The following RAD23B variants were observed in gnomAD, a reference collection of about 807,000 sequenced individuals.
The protein encoded by RAD23B is RAD23 nucleotide excision repair protein B, also known as lysine-specific demethylase RAD23B.
RAD23B carries 5 observed loss-of-function variants against 49.1 expected under a neutral mutation model. That is an observed-to-expected ratio of 0.10 (90% CI 0.05 to 0.21). The LOEUF (loss-of-function observed/expected upper bound fraction) is 0.21, where lower values mean the gene tolerates loss of function less well. Among genes scored for constraint, RAD23B ranks in the 10% least tolerant of loss-of-function variants. RAD23B has a pLI of 1.00. For missense variants in RAD23B, 356 were observed against 486.7 expected (o/e 0.73, Z 2.53); for synonymous variants, 184 against 165.4 (o/e 1.11, Z -0.86).
intron 5 of RAD23B, among the ~76,000 whole-genome samples, chr9:107,313,751 C>T (rs942292): frequency 0.55 from 83,791 of 151,968 alleles, 23,320 homozygotes; most frequent in East Asian, 0.75. Flanking sequence ...AGGTTTCAAA[C>T]TGACTCATTT....
At chr9:107,328,924 TG>T (rs1364226285) in intron 9 of RAD23B, among the ~76,000 whole-genome samples, 10 of 152,244 alleles carry the variant, frequency 6.6e-5, no homozygotes, top group Non-Finnish European at 1.3e-4. Flanking sequence ...TTTAAAATGC[TG>T]TAACTGTTAA....
At chr9:107,306,877 G>T (rs1826789947) in intron 4 of RAD23B, among the ~76,000 whole-genome samples, 1 of 150,880 alleles carries the variant, frequency 6.6e-6, no homozygotes, top group African/African-American at 2.5e-5. Context: ...GGGCAGGGTG[G>T]GGGGCAGTGG....
At chr9:107,308,186 C>CATCAAT (rs1826817950) in intron 4 of RAD23B, among the ~76,000 whole-genome samples, 2 of 149,206 alleles carry the variant, frequency 1.3e-5, no homozygotes, top group African/African-American at 4.9e-5. Context: ...GTGCTAATGC[C>CATCAAT]ATCAATTTAA....
At chr9:107,303,065 A>T (rs1353463038) in intron 3 of RAD23B, among the ~76,000 whole-genome samples, 1 of 151,724 alleles carries the variant, frequency 6.6e-6, no homozygotes, top group Non-Finnish European at 1.5e-5. Context: ...GGATTTTTTT[A>T]AGAGACTATT....
chr9:107,292,749 A>G (rs974135722), intron 1 of RAD23B, among the ~76,000 whole-genome samples: 33 of 150,932 alleles, frequency 2.2e-4, no homozygotes, highest in African/African-American at 7.3e-4. Flanking sequence ...TACAAATACC[A>G]TCTCCCATAT....
At chr9:107,300,784 T>C (rs1230730923) in intron 2 of RAD23B, among the ~76,000 whole-genome samples, 1 of 152,198 alleles carries the variant, frequency 6.6e-6, no homozygotes, top group East Asian at 1.9e-4. Context: ...AAAATACATT[T>C]GATATCCAAA....
chr9:107,316,891 G>A (rs1452264541), intron 5 of RAD23B, among the ~76,000 whole-genome samples: 1 of 152,040 alleles, frequency 6.6e-6, no homozygotes, highest in African/African-American at 2.4e-5. Context: ...GGCTACCTAG[G>A]ATGACTAGGC....
At chr9:107,307,043 C>T (rs1179696524) in intron 4 of RAD23B, among the ~76,000 whole-genome samples, 1 of 152,080 alleles carries the variant, frequency 6.6e-6, no homozygotes, top group Non-Finnish European at 1.5e-5. Flanking sequence ...TCATATATAT[C>T]ATAAGCATCC....
intron 3 of RAD23B, among the ~76,000 whole-genome samples, chr9:107,304,181 G>T (rs1487501188): frequency 1.3e-5 from 2 of 152,148 alleles, no homozygotes; most frequent in Non-Finnish European, 2.9e-5. Context: ...AAGCAGAGAA[G>T]GGCTTGGTAC....
chr9:107,285,031 T>A lies in RAD23B; in HGVS notation c.66+1336T>A, dbSNP rs1833247954. 3.6e-6 allele frequency: 4 copies of A among 1,119,986 alleles called. No individual in the cohort carries two copies. The South Asian group carries it at 6.0e-5, about 17-fold the overall frequency. 69.4% of individuals were successfully genotyped at this position (1,119,986 alleles called of 1,614,324 possible). On this transcript the variant is annotated intron_variant, in intron 1 of 9. Coordinates refer to ENST00000358015, the MANE Select transcript of RAD23B (RefSeq NM_002874.5). ...CATTTAATCTTAAGTTTTGTACATC[T>A]TTAATTTTTTAAGAAACAGCCTTTT...
intron 1 of RAD23B, among the ~76,000 whole-genome samples, chr9:107,289,146 C>A (rs558645148): frequency 5.1e-4 from 70 of 136,840 alleles, no homozygotes; most frequent in African/African-American, 1.8e-3. Context: ...TCCTCTCCTT[C>A]CCTCCTTTCC....
chr9:107,323,903 A>G lies in RAD23B; in HGVS notation c.831A>G (p.Glu277=). The change falls in exon 8 of 10, where the codon GAA becomes GAG. Residue 277 remains glutamate (E), a synonymous_variant. Coordinates refer to ENST00000358015, the MANE Select transcript of RAD23B (RefSeq NM_002874.5). ...TTTSSGGHPL[E]FLRNQPQFQQ... Reference sequence around the variant, plus strand: ...TGTGTATTTTAGGACATCCCCTTGAATTTTTACGGAATCAGCCTCAGTTTC... The same window carrying G: ...TGTGTATTTTAGGACATCCCCTTGAGTTTTTACGGAATCAGCCTCAGTTTC... 1 of 1,609,416 alleles carries G rather than the reference A, an allele frequency of 6.2e-7. No individual in the cohort carries two copies. The highest frequency in any genetic ancestry group is 8.5e-7 in the Non-Finnish European group (1 of 1,175,864).
chr9:107,317,293 C>T (rs553009665), intron 5 of RAD23B, among the ~76,000 whole-genome samples: 1 of 152,080 alleles, frequency 6.6e-6, no homozygotes, highest in African/African-American at 2.4e-5. Flanking sequence ...ACCAGGTATG[C>T]TGGTAAGTGA....
chr9:107,300,780 C>T (rs1435667794), intron 2 of RAD23B, among the ~76,000 whole-genome samples: 7 of 152,130 alleles, frequency 4.6e-5, no homozygotes, highest in Non-Finnish European at 5.9e-5. Context: ...ATTAAAAATA[C>T]ATTTGATATC....
chr9:107,328,520 A>G lies in RAD23B; in HGVS notation c.1117-1023A>G, dbSNP rs565649915. Among the ~76,000 whole-genome samples, 14 of 152,306 alleles carry G rather than the reference A, an allele frequency of 9.2e-5. No individual in the cohort carries two copies. In the East Asian group the frequency reaches 1.7e-3, roughly 19 times the overall value. ...CCTAGATCCCTCTCATGCACAGTTC[A>G]CAGTAGGGTTCATGCTCATATGAGA... On this transcript the variant is annotated intron_variant, in intron 9 of 9. Coordinates refer to ENST00000358015, the MANE Select transcript of RAD23B (RefSeq NM_002874.5).
At chr9:107,284,108 G>C in intron 1 of RAD23B, 2 of 999,150 alleles carry the variant, frequency 2.0e-6, no homozygotes, top group Non-Finnish European at 2.4e-6. Flanking sequence ...CTGGTTAGCC[G>C]CTTAGTTCCC....
chr9:107,306,083 A>C (rs1265142036), intron 3 of RAD23B, among the ~76,000 whole-genome samples: 1 of 113,814 alleles, frequency 8.8e-6, no homozygotes, highest in Non-Finnish European at 1.8e-5. Flanking sequence ...CTATATATCT[A>C]TATATATTTC....
rs537509813 is a variant in RAD23B at position 107,310,072 on chromosome 9, G to A, written c.498-1610G>A. Among the ~76,000 whole-genome samples, 30 of 152,090 alleles carry A rather than the reference G, an allele frequency of 2.0e-4. 1 individual carries two copies. The highest frequency in any genetic ancestry group is 5.3e-4 in the African/African-American group (22 of 41,494). On this transcript the variant is annotated intron_variant, in intron 4 of 9. Transcript: ENST00000358015. ...GCTCATATTAGAAAGATTGGTCAGC[G>A]AAATCAACAATAGCTTTGAAATAGA...
In RAD23B at chr9:107,306,655, C is replaced by G. The variant is rs771296451; in HGVS notation, c.497+8C>G. ...CCCAACAGCAACTGACAGGTAGGAA[C>G]TGGATTCTAGGACATTCTATCTCAA... On this transcript the variant is annotated splice_region_variant and intron_variant, in intron 4 of 9. Transcript: ENST00000358015. 3 of 1,609,442 alleles carry G rather than the reference C, an allele frequency of 1.9e-6. No homozygotes were observed. The highest frequency in any genetic ancestry group is 2.5e-6 in the Non-Finnish European group (3 of 1,177,214).
Sources: allele counts gnomAD v4.1 joint callset (sites outside exome capture counted in the v4.1 genomes callset), GRCh38; gene constraint gnomAD v4.1.1; transcripts MANE v1.5; gene names NCBI Gene and HGNC (gene_info 2026-07-23, HGNC 2026-07-21).